Variants in KNL1 observed in about 807,000 individuals in gnomAD.
KNL1 encodes the protein kinetochore scaffold 1, also known as outer kinetochore KNL1 complex subunit KNL1.
In KNL1, 66 loss-of-function variants were observed where a neutral mutation model predicts 201.3. That is an observed-to-expected ratio of 0.33 (90% CI 0.27 to 0.40). The LOEUF (loss-of-function observed/expected upper bound fraction) is 0.40. Among genes scored for constraint, KNL1 ranks in the 10% least tolerant of loss-of-function variants. KNL1 has a pLI of 1.00. For synonymous variants in KNL1, 895 were observed against 899.2 expected (o/e 1.00, Z 0.08); for missense variants, 2,815 against 2,690.5 (o/e 1.05, Z -1.02).
Position 40,624,697 on chromosome 15 carries a change from T to C in KNL1, c.4433T>C (p.Ile1478Thr), listed in dbSNP as rs981200834. The change falls in exon 10 of 26, where the codon ATA becomes ACA. Residue 1478 changes from isoleucine to threonine, a missense_variant. Transcript: ENST00000399668. ...SKAGNKSLNIIENSSAPICEN... is the reference protein window; with the variant it reads ...SKAGNKSLNITENSSAPICEN... ...GCTGGAAATAAGAGTTTAAATATTA[T>C]AGAAAATTCCTCTGCACCCATATGT... 1.9e-6 allele frequency: 3 copies of C among 1,612,360 alleles called. No individual in the cohort carries two copies. Among genetic ancestry groups the C allele is most frequent in the Admixed American group, 1.7e-5 (1 of 59,654 alleles).
chr15:40,658,929 C>CAA (rs752685228), intron 24 of KNL1, among the ~76,000 whole-genome samples: 3 of 76,514 alleles, frequency 3.9e-5, no homozygotes, highest in African/African-American at 9.6e-5. Context: ...GACTCCATCT[C>CAA]AAAAAAAAAA....
chr15:40,628,037 A>T lies in KNL1; in HGVS notation c.5377-33A>T. 2.0e-6 allele frequency: 3 copies of T among 1,497,574 alleles called. No homozygotes were observed. In the Admixed American group the frequency reaches 6.0e-5, roughly 30 times the overall value. The allele number at this position is 1,497,574 out of a possible 1,614,324, so 92.8% of individuals were successfully genotyped here. A position where few individuals can be genotyped will look rare whatever the true frequency, so the allele number is the denominator to read the frequency against. ...GTCGTAAGTATACAGTGTATATTTT[A>T]TTCTGATGATATTCCTTAATTGACA... On this transcript the variant is annotated intron_variant, in intron 10 of 25. Transcript: ENST00000399668.
rs376075814 is a variant in KNL1, at chr15:40,610,309, A to G, written c.250+12A>G. ...GTCAGAAATGGAAGGTAAGTATGTT[A>G]CTATAATTCCTGCTAAATCTGCTTT... On this transcript the variant is annotated intron_variant, in intron 6 of 25. Coordinates refer to ENST00000399668, the MANE Select transcript of KNL1 (RefSeq NM_144508.5). 1.4e-6 allele frequency: 2 copies of G among 1,400,382 alleles called. No individual in the cohort carries two copies. Among genetic ancestry groups the G allele is most frequent in the African/African-American group, 1.4e-5 (1 of 70,282 alleles). 86.7% of individuals were successfully genotyped at this position (1,400,382 alleles called of 1,614,324 possible).
intron 14 of KNL1, 51 bp downstream of exon 14, chr15:40,641,078 T>A: frequency 8.2e-7 from 1 of 1,220,858 alleles, no homozygotes; most frequent in Non-Finnish European, 1.2e-6. Flanking sequence ...AGGGATCAGT[T>A]AATAGTTTGT....
At position 40,624,918 on chromosome 15, in the gene KNL1, C is replaced by G. The variant is rs201517259; in HGVS notation, c.4654C>G (p.Pro1552Ala). 1.2e-6 allele frequency: 2 copies of G among 1,613,256 alleles called. No homozygotes were observed. The highest frequency in any genetic ancestry group is 2.2e-5 in the East Asian group (1 of 44,862). The change falls in exon 10 of 26, where the codon CCA (proline) becomes GCA (alanine). Residue 1552 changes from proline (P) to alanine (A), a missense_variant. By Grantham distance (27) the Pro-to-Ala change is conservative. Coordinates refer to ENST00000399668, the MANE Select transcript of KNL1 (RefSeq NM_144508.5). ...AGATCCTGTAATTACATCTAATGTT[C>G]CATGTTTTCATAGTATCAAACCAAA... ...APDPVITSNV[P>A]CFHSIKPNLN...
intron 4 of KNL1, among the ~76,000 whole-genome samples, chr15:40,608,340 A>G (rs987318793): frequency 2.0e-5 from 3 of 151,226 alleles, no homozygotes; most frequent in East Asian, 3.9e-4. Context: ...AGGTTGAGAC[A>G]TGAAAATCAC....
rs1477090790 is a variant in KNL1 at position 40,628,220 on chromosome 15, A to G, written c.5515+12A>G. 1.9e-6 allele frequency: 3 copies of G among 1,580,124 alleles called. No homozygotes were observed. Among genetic ancestry groups the G allele is most frequent in the Non-Finnish European group, 2.6e-6 (3 of 1,169,684 alleles). ...TCTGGACTTCAGCAGTAAGAGCTTC[A>G]TGAAGGCTAAATAATAGCAGCCATC... On this transcript the variant is annotated intron_variant, in intron 11 of 25. Transcript: ENST00000399668.
rs201853975 is a variant in KNL1, at chr15:40,629,320, C to T, written c.5631C>T (p.Leu1877=). Residue 1877 remains leucine, a synonymous_variant, in exon 13 of 26, where the codon CTC becomes CTT. Coordinates refer to ENST00000399668, the MANE Select transcript of KNL1 (RefSeq NM_144508.5). The part of the protein sequence containing the change: ...RITIREFFIL[L]QVHILIQKPR... ...CAATAAGGGAGTTCTTTATACTTCT[C>T]CAGGTCCACATCTTGATACAGAAAC... The T allele has an allele frequency of 4.8e-4, 776 of 1,604,972 alleles. 5 individuals carry two copies. The highest frequency in any genetic ancestry group is 8.8e-5 in the Non-Finnish European group (104 of 1,178,148).
chr15:40,624,709 C>G lies in KNL1; in HGVS notation c.4445C>G (p.Ser1482Cys), dbSNP rs1567010300. 26 of 1,613,226 alleles carry G rather than the reference C, an allele frequency of 1.6e-5. No homozygotes were observed. The highest frequency in any genetic ancestry group is 2.1e-5 in the Non-Finnish European group (25 of 1,179,724). Residue 1482 changes from serine to cysteine, a missense_variant, in exon 10 of 26, where the codon TCT (serine) becomes TGT (cysteine). Coordinates refer to ENST00000399668, the MANE Select transcript of KNL1 (RefSeq NM_144508.5). ...AGTTTAAATATTATAGAAAATTCCT[C>G]TGCACCCATATGTGAAAACAAGCCC... ...NKSLNIIENS[S>C]APICENKPKI...
intron 19 of KNL1, 146 bp downstream of exon 19, chr15:40,650,729 A>G: frequency 3.1e-6 from 2 of 650,228 alleles, no homozygotes; most frequent in Non-Finnish European, 2.5e-6. Context: ...ATGGAAACCT[A>G]GAGTCCATCT....
intron 8 of KNL1, among the ~76,000 whole-genome samples, chr15:40,616,125 C>CTT (rs34211041): frequency 0.01 from 1,363 of 133,408 alleles, 13 homozygotes; most frequent in Non-Finnish European, 0.017. Flanking sequence ...ACTATTACTT[C>CTT]TTTTTTTTTT....
chr15:40,614,323 C>T (rs570976096), intron 7 of KNL1, among the ~76,000 whole-genome samples: 3 of 151,924 alleles, frequency 2.0e-5, no homozygotes, highest in African/African-American at 7.2e-5. Context: ...GTCTCGAACT[C>T]CTGACCTCAG....
Position 40,623,158 on chromosome 15 carries a change from A to C in KNL1, c.2894A>C (p.Gln965Pro). 6.2e-7 allele frequency: 1 copy of C among 1,614,002 alleles called. No individual in the cohort carries two copies. Among genetic ancestry groups the C allele is most frequent in the African/African-American group, 1.3e-5 (1 of 75,048 alleles). ...TCCCATACTGTTTTCATTGACTACC[A>C]AGAAAAGGAAAGAACAGACAGACCT... ...TESHTVFIDY[Q>P]EKERTDRPNF... Residue 965 changes from glutamine to proline, a missense_variant, in exon 10 of 26, where the codon CAA becomes CCA. Physicochemically the swap from Gln to Pro is moderately conservative, Grantham distance 76. This residue lies in a region of KNL1 where 2,464 missense variants were observed against 2,291.7 expected (regional missense o/e 1.08). Coordinates refer to ENST00000399668, the MANE Select transcript of KNL1 (RefSeq NM_144508.5).
rs775016485 is a variant in KNL1 at position 40,624,759 on chromosome 15, T to G, written c.4495T>G (p.Phe1499Val). The change falls in exon 10 of 26, where the codon TTT becomes GTT. Residue 1499 changes from phenylalanine to valine, a missense_variant. Around this residue, in one of 3 missense-constraint regions of KNL1, gnomAD observed 2,464 missense variants for 2,291.7 expected, o/e 1.08. Coordinates refer to ENST00000399668, the MANE Select transcript of KNL1 (RefSeq NM_144508.5). ...CAAAATACTCAATAGTGAGGAATGG[T>G]TTGCTGCAGCCTGTAAAAAAGAACT... Reference protein sequence around the residue: ...KPKILNSEEWFAAACKKELKE... With the variant: ...KPKILNSEEWVAAACKKELKE... 6.2e-7 allele frequency: 1 copy of G among 1,613,738 alleles called. No individual in the cohort carries two copies. The highest frequency in any genetic ancestry group is 8.5e-7 in the Non-Finnish European group (1 of 1,179,924).
intron 14 of KNL1, among the ~76,000 whole-genome samples, chr15:40,641,869 A>C (rs1893239439): frequency 1.3e-5 from 2 of 152,244 alleles, no homozygotes; most frequent in Non-Finnish European, 2.9e-5. Flanking sequence ...TTTACGTAGA[A>C]GATAGCTCAT....
intron 7 of KNL1, among the ~76,000 whole-genome samples, chr15:40,613,672 T>C (rs1892246607): frequency 6.6e-6 from 1 of 152,214 alleles, no homozygotes; most frequent in Admixed American, 6.5e-5. Flanking sequence ...AATGGCATGA[T>C]CTTGGCTCAC....
chr15:40,651,035 T>C (rs1369714890), intron 19 of KNL1, among the ~76,000 whole-genome samples: 1 of 151,958 alleles, frequency 6.6e-6, no homozygotes, highest in African/African-American at 2.4e-5. Context: ...CAAAGATATG[T>C]TCTGTTTAGC....
chr15:40,605,185 T>C (rs754822411), intron 3 of KNL1, 36 bp downstream of exon 3: 2 of 1,164,780 alleles, frequency 1.7e-6, no homozygotes, highest in Non-Finnish European at 2.6e-6. Flanking sequence ...AATTGTCAGC[T>C]TTTATTTAAT....
At chr15:40,647,107 A>G (rs778629295) in intron 17 of KNL1, 33 bp downstream of exon 17, 1 of 1,065,460 alleles carries the variant, frequency 9.4e-7, no homozygotes, top group South Asian at 1.3e-5. Context: ...CCAAAAGAAA[A>G]TTTAATTTTA....
Sources: gnomAD v4.1 joint callset for allele counts (sites outside exome capture counted in the v4.1 genomes callset) on GRCh38, gnomAD v4.1.1 for gene constraint, gnomAD v4.1.1 regional missense constraint, MANE v1.5 for transcripts, NCBI Gene and HGNC (gene_info 2026-07-23, HGNC 2026-07-21) for gene names.